Variants in TSHZ2 observed in about 807,000 individuals in gnomAD.
TSHZ2 encodes teashirt zinc finger homeobox 2.
TSHZ2 carries 21 observed loss-of-function variants against 74.4 expected under a neutral mutation model. The ratio of observed to expected loss-of-function variants is 0.28; its 90% CI spans 0.20 to 0.41. The LOEUF (loss-of-function observed/expected upper bound fraction) is 0.41, where lower values mean the gene tolerates loss of function less well. TSHZ2 is among the 10% of genes least tolerant of loss of function. The pLI is 1.00. For synonymous variants in TSHZ2, 540 were observed against 515.3 expected (o/e 1.05, Z -0.65); for missense variants, 1,244 against 1,293.5 (o/e 0.96, Z 0.59).
At chr20:53,337,247 A>G (rs1160036561) in intron 2 of TSHZ2, among the ~76,000 whole-genome samples, 1 of 152,224 alleles carries the variant, frequency 6.6e-6, no homozygotes, top group Non-Finnish European at 1.5e-5. Flanking sequence ...CTTTGCTTAA[A>G]GTCAATTTCT....
intron 2 of TSHZ2, among the ~76,000 whole-genome samples, chr20:53,373,469 G>T (rs993238077): frequency 4.6e-5 from 7 of 152,040 alleles, no homozygotes; most frequent in African/African-American, 1.7e-4. Flanking sequence ...CTTAATGAGA[G>T]TTTGTTTGCA....
chr20:53,321,406 T>C (rs1979255234), intron 2 of TSHZ2, among the ~76,000 whole-genome samples: 2 of 152,022 alleles, frequency 1.3e-5, no homozygotes, highest in Admixed American at 1.3e-4. Context: ...AAATTCCTTG[T>C]CAGGTGCGGT....
intron 2 of TSHZ2, among the ~76,000 whole-genome samples, chr20:53,443,012 G>A (rs1391580159): frequency 1.3e-5 from 2 of 152,162 alleles, no homozygotes; most frequent in Non-Finnish European, 2.9e-5. Context: ...CGTTTCTATA[G>A]AGAACACTGA....
chr20:53,158,038 G>A (rs1987837988), intron 1 of TSHZ2, among the ~76,000 whole-genome samples: 1 of 152,158 alleles, frequency 6.6e-6, no homozygotes. Flanking sequence ...GATTAGTCAA[G>A]GAAGATCTCA....
chr20:53,053,573 ATG>A (rs912276682), intron 1 of TSHZ2, among the ~76,000 whole-genome samples: 3 of 68,138 alleles, frequency 4.4e-5, no homozygotes, highest in African/African-American at 2.4e-4. Flanking sequence ...ATGTATGTAT[ATG>A]TGTGTGTATA....
At chr20:53,079,781 G>T (rs534176053) in intron 1 of TSHZ2, among the ~76,000 whole-genome samples, 1 of 152,070 alleles carries the variant, frequency 6.6e-6, no homozygotes, top group African/African-American at 2.4e-5. Flanking sequence ...AAAAGCACCA[G>T]CAGATAGCTA....
intron 1 of TSHZ2, among the ~76,000 whole-genome samples, chr20:53,228,234 C>T (rs1299437858): frequency 6.6e-6 from 1 of 151,964 alleles, no homozygotes. Flanking sequence ...AAGTCGACCA[C>T]ATAGGACTCT....
chr20:53,361,836 T>G (rs1315589969), intron 2 of TSHZ2, among the ~76,000 whole-genome samples: 1 of 152,192 alleles, frequency 6.6e-6, no homozygotes, highest in Non-Finnish European at 1.5e-5. Flanking sequence ...GGTTTCTAAC[T>G]CTCTGAGCCA....
Position 53,255,299 on chromosome 20 carries a change from G to A in TSHZ2, c.1841G>A (p.Cys614Tyr), listed in dbSNP as rs138096443. The A allele has an allele frequency of 1.2e-6, 2 of 1,614,058 alleles. No homozygotes were observed. Among genetic ancestry groups the A allele is most frequent in the African/African-American group, 2.7e-5 (2 of 74,936 alleles). The change falls in exon 2 of 3, where the codon TGT becomes TAT. Residue 614 changes from cysteine (C) to tyrosine (Y), a missense_variant. Around this residue, in one of 6 missense-constraint regions of TSHZ2, gnomAD observed 562 missense variants for 544.0 expected, o/e 1.03. Transcript: ENST00000371497. This position sits in a 1 kb window ranked among gnomAD's most constrained non-coding sequence, Gnocchi z 4.1. ...SEDKDEAVKECGKESPHEEAS... is the reference protein window; with the variant it reads ...SEDKDEAVKEYGKESPHEEAS... ...GACAAAGATGAAGCGGTGAAGGAGT[G>A]TGGGAAAGAAAGTCCCCACGAAGAG...
chr20:53,006,363 T>C (rs1352153158), intron 1 of TSHZ2, among the ~76,000 whole-genome samples: 6 of 152,244 alleles, frequency 3.9e-5, no homozygotes, highest in Non-Finnish European at 1.5e-5. Flanking sequence ...CAGATTTTTA[T>C]AGCTATTCTG....
intron 1 of TSHZ2, among the ~76,000 whole-genome samples, chr20:53,252,293 G>C (rs1324325025): frequency 6.6e-6 from 1 of 152,196 alleles, no homozygotes; most frequent in Admixed American, 6.5e-5. Context: ...TTAGTGACTG[G>C]AAATAACAGA....
intron 2 of TSHZ2, among the ~76,000 whole-genome samples, chr20:53,363,248 C>T (rs1981134011): frequency 6.6e-6 from 1 of 152,238 alleles, no homozygotes; most frequent in African/African-American, 2.4e-5. Context: ...CCTAGCTGTG[C>T]TTCCTGGGAT....
intron 1 of TSHZ2, among the ~76,000 whole-genome samples, chr20:53,008,677 T>C (rs1467850820): frequency 6.6e-6 from 1 of 152,040 alleles, no homozygotes; most frequent in East Asian, 1.9e-4. Flanking sequence ...AATAAGGAGT[T>C]TGAGGAATTT....
At chr20:53,232,534 T>G (rs1035456683) in intron 1 of TSHZ2, among the ~76,000 whole-genome samples, 1 of 152,194 alleles carries the variant, frequency 6.6e-6, no homozygotes, top group Non-Finnish European at 1.5e-5. Context: ...TTAGATGTGT[T>G]GCAAGGAAAC....
chr20:52,990,986 C>T (rs1273598696), intron 1 of TSHZ2, among the ~76,000 whole-genome samples: 2 of 152,058 alleles, frequency 1.3e-5, no homozygotes, highest in Non-Finnish European at 2.9e-5. Flanking sequence ...TGCTGTAGGT[C>T]TCTTTTATTG....
chr20:53,030,001 T>C (rs1231980564), intron 1 of TSHZ2, among the ~76,000 whole-genome samples: 2 of 152,196 alleles, frequency 1.3e-5, no homozygotes, highest in African/African-American at 4.8e-5. Context: ...TTAGATCAAC[T>C]CTTGTTTTAA....
At chr20:53,377,975 T>C (rs574678480) in intron 2 of TSHZ2, among the ~76,000 whole-genome samples, 1 of 152,232 alleles carries the variant, frequency 6.6e-6, no homozygotes, top group South Asian at 2.1e-4. Flanking sequence ...CTACGGGAAA[T>C]GTGAAGACAA....
At chr20:53,328,367 CTGTT>C (rs1423487108) in intron 2 of TSHZ2, among the ~76,000 whole-genome samples, 43 of 152,226 alleles carry the variant, frequency 2.8e-4, no homozygotes, top group African/African-American at 7.0e-4. Flanking sequence ...AAATCCAACT[CTGTT>C]TGTAAGTAGT....
intron 1 of TSHZ2, among the ~76,000 whole-genome samples, chr20:53,147,923 G>T (rs905135409): frequency 1.3e-5 from 2 of 152,152 alleles, no homozygotes; most frequent in Admixed American, 6.5e-5. Context: ...CACCATGTTG[G>T]TCAGGCTGGT....
Sources: gnomAD v4.1 joint callset for allele counts (sites outside exome capture counted in the v4.1 genomes callset) on GRCh38, gnomAD v4.1.1 for gene constraint, gnomAD v4.1.1 regional missense constraint, Gnocchi (gnomAD v3.1) non-coding constraint, MANE v1.5 for transcripts, NCBI Gene and HGNC (gene_info 2026-07-23, HGNC 2026-07-21) for gene names.